The following UTY variants were observed in gnomAD, a reference collection of about 807,000 sequenced individuals.
UTY encodes the protein histone demethylase UTY.
UTY carries 12 observed loss-of-function variants against 32.5 expected under a neutral mutation model. That is an observed-to-expected ratio of 0.37 (90% CI 0.24 to 0.60). UTY has a LOEUF of 0.60. UTY is among the 20% of genes least tolerant of loss of function. UTY has a pLI of 0.69. For missense variants in UTY, 303 were observed against 299.2 expected (o/e 1.01, Z -0.09); for synonymous variants, 131 against 103.4 (o/e 1.27, Z -1.62).
At chrY:13,333,885 A>G (rs111715406) in intron 18 of UTY, among the ~76,000 whole-genome samples, 289 of 33,133 alleles carry the variant, frequency 8.7e-3, no homozygotes, top group African/African-American at 0.032. Flanking sequence ...CCCATGCTCT[A>G]AGCAAGACCT....
At chrY:13,245,142 G>C, downstream of UTY, among the ~76,000 whole-genome samples, 1 of 33,599 alleles carries the variant, frequency 3.0e-5, no homozygotes, top group African/African-American at 1.2e-4. Flanking sequence ...ACTCAAAATG[G>C]ATTATGAATA....
rs767780896 is a variant in UTY at position 13,429,183 on chromosome Y, T to C, written c.376-14390A>G. On this transcript the variant is annotated intron_variant, in intron 4 of 29. Coordinates refer to ENST00000545955, the MANE Select transcript of UTY (RefSeq NM_001258249.2). ...TTCTTTTTCTCTTGCATGACTGCTC[T>C]GGCACAGACTTCCAGAACTATTTTA... 6.5e-4 allele frequency among the ~76,000 whole-genome samples: 22 copies of C among 33,912 alleles called. No individual in the cohort carries two copies. The South Asian group carries it at 0.014, about 22-fold the overall frequency. The allele number at this position is 33,912 out of a possible 37,273, so 91.0% of individuals were successfully genotyped here. A position where few individuals can be genotyped will look rare whatever the true frequency, so the allele number is the denominator to read the frequency against.
intron 27 of UTY, among the ~76,000 whole-genome samples, chrY:13,262,545 T>C: frequency 3.2e-5 from 1 of 30,984 alleles, no homozygotes; most frequent in South Asian, 7.2e-4. Context: ...GTTAGTTTTT[T>C]CTTTTTTTAG....
chrY:13,287,212 A>C, intron 27 of UTY: 1 of 389,438 alleles, frequency 2.6e-6, no homozygotes. Flanking sequence ...TGGACATTTG[A>C]ACAGACTTTG....
At chrY:13,423,284 T>G in intron 4 of UTY, among the ~76,000 whole-genome samples, 1 of 32,930 alleles carries the variant, frequency 3.0e-5, no homozygotes, top group Non-Finnish European at 7.5e-5. Context: ...AAAAGTACAG[T>G]TGCATTCTCC....
intron 3 of UTY, among the ~76,000 whole-genome samples, chrY:13,458,335 C>T (rs2076993168): frequency 9.3e-5 from 3 of 32,363 alleles, no homozygotes; most frequent in Admixed American, 8.5e-4. Flanking sequence ...TGAGGAATCG[C>T]CACACTGACT....
intron 6 of UTY, among the ~76,000 whole-genome samples, chrY:13,398,315 T>C (rs2068498227): frequency 9.0e-4 from 30 of 33,496 alleles, no homozygotes. Flanking sequence ...GCTTGGCATC[T>C]GTGTTATAAT....
intron 27 of UTY, among the ~76,000 whole-genome samples, chrY:13,279,636 C>T (rs2056892138): frequency 3.0e-5 from 1 of 33,181 alleles, no homozygotes. Context: ...CAGTCCCAGA[C>T]ATGAAGACTA....
At chrY:13,290,949 T>C in intron 27 of UTY, among the ~76,000 whole-genome samples, 2 of 30,775 alleles carry the variant, frequency 6.5e-5, no homozygotes, top group African/African-American at 1.3e-4. Context: ...GGTGCGACCT[T>C]GGCTCACTGC....
intron 4 of UTY, among the ~76,000 whole-genome samples, chrY:13,438,524 G>A (rs966031320): frequency 2.4e-4 from 8 of 33,806 alleles, no homozygotes; most frequent in Non-Finnish European, 4.4e-4. Context: ...GGAATCACTG[G>A]TTGTCTATCC....
At chrY:13,425,680 A>G in intron 4 of UTY, among the ~76,000 whole-genome samples, 1 of 34,288 alleles carries the variant, frequency 2.9e-5, no homozygotes. Flanking sequence ...GAAGGGGAAC[A>G]TAACAGAGTA....
chrY:13,272,447 T>C, intron 27 of UTY, among the ~76,000 whole-genome samples: 1 of 33,686 alleles, frequency 3.0e-5, no homozygotes, highest in African/African-American at 1.2e-4. Context: ...ACCAAGATTA[T>C]ATGCAGATCG....
chrY:13,427,813 CA>C (rs2073498738), intron 4 of UTY, among the ~76,000 whole-genome samples: 1 of 33,502 alleles, frequency 3.0e-5, no homozygotes, highest in Non-Finnish European at 7.5e-5. Flanking sequence ...CTCTCTAAAC[CA>C]AACAGACCTT....
intron 10 of UTY, among the ~76,000 whole-genome samples, chrY:13,364,328 C>T: frequency 3.1e-5 from 1 of 32,030 alleles, no homozygotes; most frequent in Admixed American, 2.8e-4. Flanking sequence ...ATAATTGAAT[C>T]CTCTCAAGAG....
At chrY:13,471,571 G>A (rs112985652) in intron 2 of UTY, among the ~76,000 whole-genome samples, 5 of 33,802 alleles carry the variant, frequency 1.5e-4, no homozygotes, top group African/African-American at 5.8e-4. Context: ...AGGGGTAATC[G>A]CAGCAACTTT....
intron 21 of UTY, among the ~76,000 whole-genome samples, chrY:13,311,594 C>CAAAA (rs1156937845): frequency 8.5e-5 from 1 of 11,700 alleles, no homozygotes; most frequent in African/African-American, 3.5e-4. Context: ...GACTCTGTCT[C>CAAAA]AAAAAAAAAA....
intron 4 of UTY, among the ~76,000 whole-genome samples, chrY:13,441,398 T>C: frequency 3.1e-5 from 1 of 32,666 alleles, no homozygotes; most frequent in Non-Finnish European, 7.5e-5. Context: ...TAGATGGCAT[T>C]GGGAGGCAAA....
chrY:13,322,838 T>C, intron 21 of UTY, among the ~76,000 whole-genome samples: 1 of 33,462 alleles, frequency 3.0e-5, no homozygotes, highest in Non-Finnish European at 7.4e-5. Flanking sequence ...ACAATTGTTT[T>C]AGAGATGACA....
chrY:13,274,353 T>C (rs939139581), intron 27 of UTY, among the ~76,000 whole-genome samples: 15 of 33,340 alleles, frequency 4.5e-4, no homozygotes, highest in African/African-American at 1.8e-3. Context: ...CATGCAGTGT[T>C]TGGTATTCTG....
Sources: gnomAD v4.1 joint callset for allele counts (sites outside exome capture counted in the v4.1 genomes callset) on GRCh38, gnomAD v4.1.1 for gene constraint, MANE v1.5 for transcripts, NCBI Gene and HGNC (gene_info 2026-07-23, HGNC 2026-07-21) for gene names.